The following PLIN1 variants were observed in gnomAD, a reference collection of about 807,000 sequenced individuals.
PLIN1 encodes the protein perilipin-1.
In PLIN1, 37 loss-of-function variants were observed where a neutral mutation model predicts 45.8. The observed-to-expected ratio is 0.81, with a 90% CI of 0.62 to 1.06. The LOEUF is 1.06. PLIN1 is among the 50% of genes least tolerant of loss of function. PLIN1 has a pLI of 0.00. For missense variants in PLIN1, 776 were observed against 716.5 expected, an observed-to-expected ratio of 1.08 and a Z score of -0.95; for synonymous variants, 340 against 309.2, an observed-to-expected ratio of 1.10 and a Z score of -1.05.
At chr15:89,668,283 A>T (rs995373421) in intron 6 of PLIN1, among the ~76,000 whole-genome samples, 1 of 152,202 alleles carries the variant, frequency 6.6e-6, no homozygotes, top group African/African-American at 2.4e-5. Flanking sequence ...TCTGTGTAAT[A>T]TTCCATCATA....
chr15:89,676,310 C>T (rs921804444), intron 2 of PLIN1, among the ~76,000 whole-genome samples: 14 of 152,242 alleles, frequency 9.2e-5, no homozygotes, highest in East Asian at 7.7e-4. Flanking sequence ...TGCAGTGGCG[C>T]GATCTCAGCT....
chr15:89,677,621 T>G, intron 1 of PLIN1, 118 bp from the exon 2 acceptor site: 1 of 825,730 alleles, frequency 1.2e-6, no homozygotes, highest in Non-Finnish European at 2.1e-6. Context: ...CCATTTGCCC[T>G]GAACAGAAGG....
In PLIN1 at chr15:89,665,646, C is replaced by T; in HGVS notation, c.1506G>A (p.Arg502=). 6.7e-7 allele frequency: 1 copy of T among 1,503,758 alleles called. No individual in the cohort carries two copies. The highest frequency in any genetic ancestry group is 8.9e-7 in the Non-Finnish European group (1 of 1,128,846). 93.2% of individuals were successfully genotyped at this position (1,503,758 alleles called of 1,614,324 possible). A position where few individuals can be genotyped will look rare whatever the true frequency, so the allele number is the denominator to read the frequency against. Residue 502 remains arginine, a synonymous_variant, in exon 9 of 9, where the codon CGG becomes CGA. Coordinates refer to ENST00000300055, the MANE Select transcript of PLIN1 (RefSeq NM_002666.5). ...PKRRVSDSFF[R]PSVMEPILGR... is the part of the protein sequence containing the mutation. ...CCAGGATGGGCTCCATGACGCTGGGCCGGAAGAAGCTGTCGCTGACCCTGC... is the reference window on the plus strand; with the variant it reads ...CCAGGATGGGCTCCATGACGCTGGGTCGGAAGAAGCTGTCGCTGACCCTGC...
rs1964372797 is a variant in PLIN1, at chr15:89,667,691, C to T, written c.874G>A (p.Glu292Lys). The T allele has an allele frequency of 3.8e-6, 6 of 1,597,586 alleles. No homozygotes were observed. The South Asian group carries it at 6.8e-5, about 18-fold the overall frequency. ...PWLHSLAAAQ[E>K]EDHEDQTDTE... ...TCTGTCTGGTCCTCATGATCCTCCT[C>T]CTGGGCGGCTGCGAGGCTGTGCAGC... The change falls in exon 7 of 9, where the codon GAG (glutamate) becomes AAG (lysine). Residue 292 changes from glutamate to lysine, a missense_variant. Transcript: ENST00000300055.
At chr15:89,670,732 C>T (rs1964426992) in intron 4 of PLIN1, among the ~76,000 whole-genome samples, 1 of 152,194 alleles carries the variant, frequency 6.6e-6, no homozygotes, top group African/African-American at 2.4e-5. Context: ...GAGCAAAGAG[C>T]ACAGGTCTCA....
chr15:89,676,233 T>C (rs561872945), intron 2 of PLIN1, among the ~76,000 whole-genome samples: 9 of 151,614 alleles, frequency 5.9e-5, no homozygotes, highest in Non-Finnish European at 1.3e-4. Context: ...CACAATATCT[T>C]AGTTTTTTTT....
At chr15:89,666,451 G>A (rs1964342054) in intron 8 of PLIN1, among the ~76,000 whole-genome samples, 1 of 152,202 alleles carries the variant, frequency 6.6e-6, no homozygotes, top group African/African-American at 2.4e-5. Flanking sequence ...GCTTTGGAAA[G>A]GGGCTCCCAA....
At chr15:89,678,936 C>T (rs1297331005) in intron 1 of PLIN1, among the ~76,000 whole-genome samples, 1 of 152,056 alleles carries the variant, frequency 6.6e-6, no homozygotes, top group Non-Finnish European at 1.5e-5. Flanking sequence ...GCCTTGACCT[C>T]CTGGGATCAA....
At position 89,665,417 on chromosome 15, in the gene PLIN1, A is replaced by T; in HGVS notation, c.*166T>A. ...CCCAAAAGGATGCTAAAAAAAAAAT[A>T]AAAATAAAATAAAAATAAAAAGTGC... On this transcript the variant is annotated 3_prime_UTR_variant, in exon 9 of 9. Transcript: ENST00000300055. The T allele has an allele frequency of 4.0e-6, 2 of 497,014 alleles. No individual in the cohort carries two copies. The highest frequency in any genetic ancestry group is 3.4e-5 in the East Asian group (1 of 29,210). 30.8% of individuals were successfully genotyped at this position (497,014 alleles called of 1,614,324 possible). A position where few individuals can be genotyped will look rare whatever the true frequency, so the allele number is the denominator to read the frequency against.
Position 89,670,224 on chromosome 15 carries a change from G to A in PLIN1, c.354C>T (p.Asp118=), listed in dbSNP as rs1367585680. ...PPEKIASELK[D]TISTRLRSAR... is the part of the protein sequence containing the mutation. The stretch of plus-strand genomic sequence containing the variant: ...CACTGCGGAGGCGGGTGGAGATGGT[G>A]TCCTTCAGCTCAGAAGCAATCTGGG... Residue 118 remains aspartate (D), a synonymous_variant, in exon 5 of 9, where the codon GAC becomes GAT. Transcript: ENST00000300055. The A allele has an allele frequency of 1.9e-6, 3 of 1,613,164 alleles. 1 individual carries two copies.
At chr15:89,678,382 C>G (rs1198286015) in intron 1 of PLIN1, among the ~76,000 whole-genome samples, 1 of 151,698 alleles carries the variant, frequency 6.6e-6, no homozygotes, top group Non-Finnish European at 1.5e-5. Context: ...TGGTGGTGGG[C>G]AGCTGTAATC....
At chr15:89,666,209 C>G (rs1375310469) in intron 8 of PLIN1, among the ~76,000 whole-genome samples, 2 of 152,226 alleles carry the variant, frequency 1.3e-5, no homozygotes, top group African/African-American at 2.4e-5. Context: ...GGGGAACCCT[C>G]AATGGGAGGT....
chr15:89,678,813 TTC>T (rs1349192201), intron 1 of PLIN1, among the ~76,000 whole-genome samples: 1 of 152,092 alleles, frequency 6.6e-6, no homozygotes. Flanking sequence ...ATTCCTCTAT[TTC>T]TCTCTTTCTC....
chr15:89,674,009 C>T (rs558376950), intron 2 of PLIN1, among the ~76,000 whole-genome samples: 1 of 152,330 alleles, frequency 6.6e-6, no homozygotes, highest in African/African-American at 2.4e-5. Flanking sequence ...TCTCCACATT[C>T]GTCACACCGT....
Position 89,667,146 on chromosome 15 carries a change from AC to A in PLIN1, c.998del (p.Gly333ValfsTer18). 1 of 1,613,756 alleles carries A rather than the reference AC, an allele frequency of 6.2e-7. No individual in the cohort carries two copies. Among genetic ancestry groups the A allele is most frequent in the Non-Finnish European group, 8.5e-7 (1 of 1,179,980 alleles). ...TCTTCTGCAGGGTATGTGCCACACC[AC>A]CCAGGAGGCCTCGAGGGCCTGGCAG... ...AALPGPRGLL[G>X]GVAHTLQKTL... On this transcript the variant is annotated frameshift_variant, in exon 8 of 9. Transcript: ENST00000300055. LOFTEE classifies it high-confidence loss of function.
intron 8 of PLIN1, 37 bp downstream of exon 8, chr15:89,666,899 C>T (rs766097752): frequency 6.2e-7 from 1 of 1,612,466 alleles, no homozygotes; most frequent in Non-Finnish European, 8.5e-7. Context: ...TCCAGGCCCC[C>T]TTGGGACACT....
intron 2 of PLIN1, among the ~76,000 whole-genome samples, chr15:89,676,307 G>C (rs1455215416): frequency 1.3e-5 from 2 of 152,164 alleles, no homozygotes; most frequent in Non-Finnish European, 2.9e-5. Flanking sequence ...GAGTGCAGTG[G>C]CGCGATCTCA....
chr15:89,671,642 G>C, intron 3 of PLIN1, 78 bp from the exon 4 acceptor site: 1 of 1,064,434 alleles, frequency 9.4e-7, no homozygotes, highest in Non-Finnish European at 1.4e-6. Context: ...TGCCAAGGAA[G>C]TGACTTGGAG....
intron 3 of PLIN1, among the ~76,000 whole-genome samples, chr15:89,671,786 G>A (rs777170295): frequency 1.2e-4 from 19 of 152,264 alleles, no homozygotes; most frequent in Admixed American, 8.5e-4. Context: ...CTCTGGAGTC[G>A]CTCAGACCTG....
Sources: allele counts gnomAD v4.1 joint callset (sites outside exome capture counted in the v4.1 genomes callset), GRCh38; gene constraint gnomAD v4.1.1; transcripts MANE v1.5; gene names NCBI Gene and HGNC (gene_info 2026-07-23, HGNC 2026-07-21).